The following LINGO1 variants were observed in gnomAD, a reference collection of about 807,000 sequenced individuals.
The protein encoded by LINGO1 is leucine rich repeat and Ig domain containing 1.
A neutral mutation model predicts 37.3 loss-of-function variants in LINGO1; 11 were observed. The observed-to-expected ratio is 0.29, with a 90% CI of 0.19 to 0.49. The LOEUF is 0.49. Ranked by LOEUF, LINGO1 falls within the 20% of genes least tolerant of loss-of-function variation. The probability of loss-of-function intolerance (pLI) is 0.99; values close to 1 mark genes in which losing one functional copy is unlikely to be tolerated. For missense variants in LINGO1, 585 were observed against 878.2 expected (o/e 0.67, Z 4.22); for synonymous variants, 387 against 403.0 (o/e 0.96, Z 0.48).
At chr15:77,809,292 T>A (rs1010688878) in intron 1 of LINGO1, among the ~76,000 whole-genome samples, 1 of 152,158 alleles carries the variant, frequency 6.6e-6, no homozygotes, top group South Asian at 2.1e-4. Context: ...CAGGTAGTGA[T>A]GAGGATGAGA....
At chr15:77,770,175 A>G (rs2076569930) in intron 1 of LINGO1, among the ~76,000 whole-genome samples, 1 of 152,064 alleles carries the variant, frequency 6.6e-6, no homozygotes, top group Non-Finnish European at 1.5e-5. Context: ...TCCGAAACCA[A>G]TGCCTTCTTT....
intron 2 of LINGO1, among the ~76,000 whole-genome samples, chr15:77,729,673 T>C (rs1190976686): frequency 6.6e-6 from 1 of 152,232 alleles, no homozygotes; most frequent in Non-Finnish European, 1.5e-5. Context: ...GATGTTGGAA[T>C]AGATATGGCT....
rs114048276 is a variant in LINGO1, at chr15:77,678,303, C to T, written c.-98-1129G>A. 5.0e-3 allele frequency among the ~76,000 whole-genome samples: 760 copies of T among 152,304 alleles called. 6 individuals are homozygous for T. The highest frequency in any genetic ancestry group is 0.018 in the African/African-American group (731 of 41,562). Reference sequence around the variant, plus strand: ...AGGTACAGAACAATCCTGTCACCCCCAAATCCCGGCATGCTGTCTCTTTGT... The same window carrying T: ...AGGTACAGAACAATCCTGTCACCCCTAAATCCCGGCATGCTGTCTCTTTGT... On this transcript the variant is annotated intron_variant, in intron 2 of 3. Transcript: ENST00000559893.
chr15:77,717,335 G>A (rs1483475354), intron 2 of LINGO1, among the ~76,000 whole-genome samples: 1 of 150,756 alleles, frequency 6.6e-6, no homozygotes, highest in Non-Finnish European at 1.5e-5. Flanking sequence ...GTGGAGGTGA[G>A]GGGGGGCAGC....
intron 2 of LINGO1, among the ~76,000 whole-genome samples, chr15:77,680,648 T>C (rs1166287391): frequency 6.6e-6 from 1 of 152,066 alleles, no homozygotes; most frequent in Non-Finnish European, 1.5e-5. Flanking sequence ...GGCATCTCCA[T>C]GAGAGTTGGG....
chr15:77,655,456 C>T (rs531624063), intron 3 of LINGO1, among the ~76,000 whole-genome samples: 45 of 152,266 alleles, frequency 3.0e-4, no homozygotes, highest in African/African-American at 8.7e-4. Flanking sequence ...TGGGTCCTAC[C>T]GCCACACCTC....
At chr15:77,673,809 G>A (rs1243555902) in intron 3 of LINGO1, among the ~76,000 whole-genome samples, 1 of 152,162 alleles carries the variant, frequency 6.6e-6, no homozygotes, top group Non-Finnish European at 1.5e-5. Context: ...CTGCCAGGCT[G>A]TCTACAGGCA....
At chr15:77,742,500 G>T (rs548805770) in intron 1 of LINGO1, among the ~76,000 whole-genome samples, 2 of 152,304 alleles carry the variant, frequency 1.3e-5, no homozygotes, top group African/African-American at 4.8e-5. Flanking sequence ...CTCACCTAAG[G>T]CACACAGCCA....
At chr15:77,740,401 A>C (rs2076251168) in intron 1 of LINGO1, among the ~76,000 whole-genome samples, 1 of 152,188 alleles carries the variant, frequency 6.6e-6, no homozygotes, top group East Asian at 1.9e-4. Flanking sequence ...GTCTGCCCCC[A>C]AGACCCTCTT....
intron 1 of LINGO1, among the ~76,000 whole-genome samples, chr15:77,620,689 G>C (rs2073890430): frequency 6.6e-6 from 1 of 152,244 alleles, no homozygotes; most frequent in Non-Finnish European, 1.5e-5. Flanking sequence ...AGGGTAAAGG[G>C]GAATGGGAGG....
At chr15:77,630,724 G>A (rs1301087364) in intron 1 of LINGO1, among the ~76,000 whole-genome samples, 2 of 152,152 alleles carry the variant, frequency 1.3e-5, no homozygotes, top group Non-Finnish European at 2.9e-5. Context: ...AAATTGTCAG[G>A]GGGTGAGGAG....
At chr15:77,651,138 G>T (rs1363114841) in intron 3 of LINGO1, among the ~76,000 whole-genome samples, 1 of 152,184 alleles carries the variant, frequency 6.6e-6, no homozygotes, top group Non-Finnish European at 1.5e-5. Context: ...CTGCATTGGA[G>T]GGAAGAGAGA....
At chr15:77,631,069 G>A (rs1421587278) in intron 1 of LINGO1, among the ~76,000 whole-genome samples, 4 of 152,200 alleles carry the variant, frequency 2.6e-5, no homozygotes, top group Non-Finnish European at 4.4e-5. Context: ...GACACTCTGC[G>A]CTGGATCTGG....
chr15:77,698,399 C>A (rs1019828191), upstream of LINGO1, among the ~76,000 whole-genome samples: 2 of 152,154 alleles, frequency 1.3e-5, no homozygotes, highest in African/African-American at 4.8e-5. Context: ...CCATTCTGGC[C>A]CACCCAACAG....
chr15:77,759,818 TAA>T (rs1443227135), intron 1 of LINGO1, among the ~76,000 whole-genome samples: 1 of 152,234 alleles, frequency 6.6e-6, no homozygotes, highest in Non-Finnish European at 1.5e-5. Context: ...GCTGTTTTAA[TAA>T]AAGAGTCCCT....
intron 1 of LINGO1, among the ~76,000 whole-genome samples, chr15:77,772,144 C>G (rs1291058458): frequency 6.6e-6 from 1 of 152,176 alleles, no homozygotes; most frequent in Admixed American, 6.5e-5. Flanking sequence ...TGCTCCAGGG[C>G]CAAGGCTGGC....
At chr15:77,748,487 G>A (rs2076337017) in intron 1 of LINGO1, among the ~76,000 whole-genome samples, 1 of 152,172 alleles carries the variant, frequency 6.6e-6, no homozygotes, top group Admixed American at 6.5e-5. Context: ...CGCCCTCAAG[G>A]TAGCCTCTGG....
At chr15:77,640,355 G>A (rs930571835) in intron 3 of LINGO1, among the ~76,000 whole-genome samples, 1 of 152,174 alleles carries the variant, frequency 6.6e-6, no homozygotes, top group Non-Finnish European at 1.5e-5. Flanking sequence ...TCAATCCAAC[G>A]TAATTCAGTA....
At chr15:77,662,458 G>T (rs2075015102) in intron 3 of LINGO1, among the ~76,000 whole-genome samples, 1 of 152,092 alleles carries the variant, frequency 6.6e-6, no homozygotes, top group South Asian at 2.1e-4. Context: ...CCCCAACTGA[G>T]AACATGACCC....
Sources: gnomAD v4.1 joint callset for allele counts (sites outside exome capture counted in the v4.1 genomes callset) on GRCh38, gnomAD v4.1.1 for gene constraint, MANE v1.5 for transcripts, NCBI Gene and HGNC (gene_info 2026-07-23, HGNC 2026-07-21) for gene names.